The following PAX2 variants were observed in gnomAD, a reference collection of about 807,000 sequenced individuals.
PAX2 encodes the protein paired box 2.
A neutral mutation model predicts 41.7 loss-of-function variants in PAX2; 9 were observed. That is an observed-to-expected ratio of 0.22 (90% CI 0.13 to 0.38). The LOEUF (loss-of-function observed/expected upper bound fraction) is 0.38, where lower values mean the gene tolerates loss of function less well. Among genes scored for constraint, PAX2 ranks in the 10% least tolerant of loss-of-function variants. The pLI is 1.00. For synonymous variants in PAX2, 221 were observed against 212.7 expected (o/e 1.04, Z -0.34); for missense variants, 418 against 531.6 (o/e 0.79, Z 2.10).
At chr10:100,776,371 A>G (rs1846388347) in intron 3 of PAX2, among the ~76,000 whole-genome samples, 1 of 152,030 alleles carries the variant, frequency 6.6e-6, no homozygotes, top group African/African-American at 2.4e-5. Flanking sequence ...TCTTGTTCCT[A>G]ATTCCCTTCG....
chr10:100,808,850 T>C (rs1847890417), intron 6 of PAX2, among the ~76,000 whole-genome samples: 1 of 152,142 alleles, frequency 6.6e-6, no homozygotes, highest in South Asian at 2.1e-4. Context: ...AGGCAGGAGA[T>C]GCTACAGAAA....
chr10:100,738,356 G>C (rs1037719434), intron 1 of PAX2, among the ~76,000 whole-genome samples: 2 of 152,202 alleles, frequency 1.3e-5, no homozygotes, highest in African/African-American at 2.4e-5. Flanking sequence ...CCTTGGCCTC[G>C]GAGCAGCCTC....
At position 100,806,442 on chromosome 10, in the gene PAX2, G is replaced by T; in HGVS notation, c.629G>T (p.Gly210Val). 1 of 1,614,222 alleles carries T rather than the reference G, an allele frequency of 6.2e-7. No homozygotes were observed. The highest frequency in any genetic ancestry group is 8.5e-7 in the Non-Finnish European group (1 of 1,180,028). The change falls in exon 6 of 10, where the codon GGC becomes GTC. Residue 210 changes from glycine (G) to valine (V), a missense_variant. Physicochemically the swap from Gly to Val is moderately radical, Grantham distance 109. Transcript: ENST00000355243. ...KRKRDEDVSEGSVPNGDSQSG... is the reference protein window; with the variant it reads ...KRKRDEDVSEVSVPNGDSQSG... The stretch of plus-strand genomic sequence containing the variant: ...ATGTGTTCTCCAGATGTGTCTGAGG[G>T]CTCAGTCCCCAATGGAGATTCCCAG...
chr10:100,740,085 C>T (rs1844901009), intron 1 of PAX2, among the ~76,000 whole-genome samples: 1 of 152,236 alleles, frequency 6.6e-6, no homozygotes, highest in South Asian at 2.1e-4. Flanking sequence ...GTCTCCTGTC[C>T]GCTCTGGCTT....
intron 5 of PAX2, among the ~76,000 whole-genome samples, chr10:100,801,269 C>G (rs1471439422): frequency 6.6e-6 from 1 of 152,224 alleles, no homozygotes; most frequent in African/African-American, 2.4e-5. Context: ...AAATCCCTAC[C>G]TACCTTGGAG....
intron 5 of PAX2, among the ~76,000 whole-genome samples, chr10:100,799,008 A>T (rs1047037680): frequency 2.6e-5 from 4 of 152,238 alleles, no homozygotes; most frequent in African/African-American, 9.6e-5. Context: ...TACCGAGGAG[A>T]ACAATTGAGT....
intron 3 of PAX2, among the ~76,000 whole-genome samples, chr10:100,777,849 A>G (rs1011178616): frequency 6.6e-6 from 1 of 152,234 alleles, no homozygotes; most frequent in Non-Finnish European, 1.5e-5. Context: ...CACATAGTAG[A>G]TGTTCAGTAA....
At chr10:100,822,296 A>G (rs1589902776) in intron 7 of PAX2, among the ~76,000 whole-genome samples, 2 of 152,324 alleles carry the variant, frequency 1.3e-5, no homozygotes, top group South Asian at 4.1e-4. Flanking sequence ...TTATCAGCCT[A>G]TAAAAAATCA....
intron 4 of PAX2, among the ~76,000 whole-genome samples, chr10:100,780,378 C>T (rs900267175): frequency 2.6e-5 from 4 of 152,246 alleles, no homozygotes; most frequent in South Asian, 2.1e-4. Flanking sequence ...AGATGAGGCC[C>T]GGGGTTTGAG....
chr10:100,739,657 G>A (rs56286154), intron 1 of PAX2, among the ~76,000 whole-genome samples: 19,699 of 152,168 alleles, frequency 0.13, 1,413 homozygotes, highest in Middle Eastern at 0.23. Flanking sequence ...CCCTGGCCCT[G>A]CTCTCCGTTC....
At chr10:100,798,083 A>C (rs1847400150) in intron 5 of PAX2, among the ~76,000 whole-genome samples, 2 of 150,614 alleles carry the variant, frequency 1.3e-5, no homozygotes, top group African/African-American at 4.9e-5. Flanking sequence ...CAGATTTCCA[A>C]AGCCTTCTTC....
At position 100,828,397 on chromosome 10, in the gene PAX2, G is replaced by A; in HGVS notation, c.*778G>A. 4.3e-6 allele frequency: 1 copy of A among 233,770 alleles called. No individual in the cohort carries two copies. Among genetic ancestry groups the A allele is most frequent in the Non-Finnish European group, 8.4e-6 (1 of 118,492 alleles). 14.5% of individuals were successfully genotyped at this position (233,770 alleles called of 1,614,324 possible). The stretch of plus-strand genomic sequence containing the variant: ...GGCCTGCCTAGTTCCCCAGGGCCCG[G>A]CACCTCCTGCTGCGAGACCCGGCTC... On this transcript the variant is annotated 3_prime_UTR_variant, in exon 10 of 10. Transcript: ENST00000355243. This position sits in a 1 kb window ranked among gnomAD's most constrained non-coding sequence, Gnocchi z 6.5.
In PAX2 at chr10:100,773,545, A is replaced by G. The variant is rs79613702; in HGVS notation, c.411-5953A>G. 3.3e-3 allele frequency among the ~76,000 whole-genome samples: 508 copies of G among 152,326 alleles called. 1 individual carries two copies. Among genetic ancestry groups the G allele is most frequent in the African/African-American group, 0.011 (467 of 41,560 alleles). The stretch of plus-strand genomic sequence containing the variant: ...TTGGAAACCCTGAGGCGGACGGTGG[A>G]TGGATGGATAGATGAATAGATACAT... On this transcript the variant is annotated intron_variant, in intron 3 of 9. Coordinates refer to ENST00000355243, the MANE Select transcript of PAX2 (RefSeq NM_000278.5).
intron 5 of PAX2, among the ~76,000 whole-genome samples, chr10:100,806,038 T>C (rs550205788): frequency 7.2e-5 from 11 of 152,186 alleles, no homozygotes; most frequent in Non-Finnish European, 1.3e-4. Context: ...ACAGGCTCAG[T>C]AATGCCAGTC....
intron 7 of PAX2, among the ~76,000 whole-genome samples, chr10:100,819,264 G>C (rs1848300395): frequency 6.7e-6 from 1 of 148,206 alleles, no homozygotes; most frequent in African/African-American, 2.5e-5. Flanking sequence ...AAAAAAGGGG[G>C]GGGAGTTTAA....
At chr10:100,751,057 TAGAC>T (rs1233701718) in intron 3 of PAX2, among the ~76,000 whole-genome samples, 166 bp downstream of exon 3, 10 of 152,222 alleles carry the variant, frequency 6.6e-5, no homozygotes, top group African/African-American at 2.2e-4. Context: ...GGCAGAGAGT[TAGAC>T]AGACAGACAG....
chr10:100,816,232 C>T (rs1304069220), intron 7 of PAX2, among the ~76,000 whole-genome samples: 1 of 152,204 alleles, frequency 6.6e-6, no homozygotes, highest in Non-Finnish European at 1.5e-5. Flanking sequence ...ATAACAATAG[C>T]CAACTCAGGC....
In PAX2 at chr10:100,748,094, C is replaced by A. The variant is rs1388405281; in HGVS notation, c.44-1652C>A. 1.2e-5 allele frequency: 12 copies of A among 984,974 alleles called. No homozygotes were observed. The highest frequency in any genetic ancestry group is 1.4e-5 in the Non-Finnish European group (12 of 829,898). The allele number at this position is 984,974 out of a possible 1,614,324, so 61.0% of individuals were successfully genotyped here. The stretch of plus-strand genomic sequence containing the variant: ...CCAGGCCCGACTCAGCGCCGACTCG[C>A]TGCAGTCCCCCAGCCCTGGACTCCC... On this transcript the variant is annotated intron_variant, in intron 1 of 9. Transcript: ENST00000355243. The surrounding 1 kb of genome is among the most constrained non-coding windows in gnomAD (Gnocchi z 5.0).
intron 3 of PAX2, among the ~76,000 whole-genome samples, chr10:100,757,564 A>G (rs973905496): frequency 3.9e-5 from 6 of 152,226 alleles, no homozygotes; most frequent in African/African-American, 1.4e-4. Flanking sequence ...GACCAATTGC[A>G]TAAGCAGCCA....
Sources: gnomAD v4.1 joint callset for allele counts (sites outside exome capture counted in the v4.1 genomes callset) on GRCh38, gnomAD v4.1.1 for gene constraint, Gnocchi (gnomAD v3.1) non-coding constraint, MANE v1.5 for transcripts, NCBI Gene and HGNC (gene_info 2026-07-23, HGNC 2026-07-21) for gene names.